HS6ST3: variants seen among roughly 807,000 people sequenced by gnomAD.
HS6ST3 encodes heparan sulfate 6-O-sulfotransferase 3.
A neutral mutation model predicts 36.7 loss-of-function variants in HS6ST3; 12 were observed. The ratio of observed to expected loss-of-function variants is 0.33; its 90% CI spans 0.21 to 0.53. The LOEUF is 0.53. HS6ST3 is among the 20% of genes least tolerant of loss of function. The pLI is 0.95. For synonymous variants in HS6ST3, 240 were observed against 257.5 expected (o/e 0.93, Z 0.65); for missense variants, 584 against 640.9 (o/e 0.91, Z 0.96).
chr13:96,156,889 T>C (rs996806217), intron 1 of HS6ST3, among the ~76,000 whole-genome samples: 6 of 152,270 alleles, frequency 3.9e-5, no homozygotes, highest in African/African-American at 1.4e-4. Context: ...CATTCTCTTA[T>C]GGGAATAATG....
intron 1 of HS6ST3, among the ~76,000 whole-genome samples, chr13:96,454,086 CT>C: frequency 6.6e-6 from 1 of 152,120 alleles, no homozygotes; most frequent in South Asian, 2.1e-4. Flanking sequence ...TACCCTTGGC[CT>C]TCTGAGTCCA....
chr13:96,230,180 G>T (rs1594724142), intron 1 of HS6ST3, among the ~76,000 whole-genome samples: 1 of 152,114 alleles, frequency 6.6e-6, no homozygotes, highest in East Asian at 1.9e-4. Context: ...GAGAAGAGTA[G>T]TGATATACTC....
chr13:96,533,403 C>T (rs945216782), intron 1 of HS6ST3, among the ~76,000 whole-genome samples: 2 of 152,148 alleles, frequency 1.3e-5, no homozygotes, highest in African/African-American at 4.8e-5. Flanking sequence ...ATTAGATGGC[C>T]ACAATGAATT....
At chr13:96,183,532 G>T (rs752894819) in intron 1 of HS6ST3, among the ~76,000 whole-genome samples, 9 of 151,982 alleles carry the variant, frequency 5.9e-5, no homozygotes, top group African/African-American at 1.9e-4. Flanking sequence ...TCAATTTGAG[G>T]CCCAGATAGA....
At chr13:96,242,210 GTTTTTGAGTCTT>G (rs1260584206) in intron 1 of HS6ST3, among the ~76,000 whole-genome samples, 1 of 149,506 alleles carries the variant, frequency 6.7e-6, no homozygotes. Flanking sequence ...TCTACCTTCT[GTTTTTGAGTCTT>G]TTTTTTTTTC....
At chr13:96,448,952 G>A (rs980902584) in intron 1 of HS6ST3, among the ~76,000 whole-genome samples, 1 of 152,056 alleles carries the variant, frequency 6.6e-6, no homozygotes, top group African/African-American at 2.4e-5. Flanking sequence ...TTTGGCATAA[G>A]TTGGTATAAT....
At chr13:96,584,947 G>C (rs2056355234) in intron 1 of HS6ST3, among the ~76,000 whole-genome samples, 1 of 152,164 alleles carries the variant, frequency 6.6e-6, no homozygotes, top group African/African-American at 2.4e-5. Context: ...AATTGGGGAA[G>C]GGAATTTCAC....
intron 1 of HS6ST3, among the ~76,000 whole-genome samples, chr13:96,705,173 T>G (rs1875386635): frequency 6.6e-6 from 1 of 152,168 alleles, no homozygotes; most frequent in Non-Finnish European, 1.5e-5. Flanking sequence ...CCTCTTGGTG[T>G]TGTACATTCT....
At chr13:96,764,599 G>A (rs555771460) in intron 1 of HS6ST3, among the ~76,000 whole-genome samples, 2 of 152,310 alleles carry the variant, frequency 1.3e-5, no homozygotes, top group South Asian at 2.1e-4. Flanking sequence ...TTCCAGCCAT[G>A]CCATCTTGCT....
intron 1 of HS6ST3, among the ~76,000 whole-genome samples, chr13:96,136,887 G>T (rs1317746293): frequency 2.0e-5 from 3 of 151,854 alleles, no homozygotes; most frequent in African/African-American, 4.8e-5. Context: ...TACCATCTAG[G>T]TATTGATGGT....
At chr13:96,678,493 T>C (rs774157383) in intron 1 of HS6ST3, among the ~76,000 whole-genome samples, 4 of 151,978 alleles carry the variant, frequency 2.6e-5, no homozygotes, top group Non-Finnish European at 5.9e-5. Flanking sequence ...GCCAAGATAG[T>C]GAAACCCTAT....
intron 1 of HS6ST3, among the ~76,000 whole-genome samples, chr13:96,285,011 G>T (rs1011179322): frequency 6.7e-6 from 1 of 149,776 alleles, no homozygotes; most frequent in South Asian, 2.1e-4. Context: ...GAGAATGTGC[G>T]TTGGCTGTGC....
At chr13:96,096,905 G>A (rs2053793878) in intron 1 of HS6ST3, among the ~76,000 whole-genome samples, 1 of 152,056 alleles carries the variant, frequency 6.6e-6, no homozygotes, top group African/African-American at 2.4e-5. Flanking sequence ...CTACCAAGAA[G>A]GTTAATTTTT....
chr13:96,335,235 C>T (rs1250560777), intron 1 of HS6ST3, among the ~76,000 whole-genome samples: 2 of 152,096 alleles, frequency 1.3e-5, no homozygotes, highest in African/African-American at 4.8e-5. Flanking sequence ...GAAACGACAT[C>T]CAATGTGAGG....
At chr13:96,689,859 C>A (rs1874902440) in intron 1 of HS6ST3, among the ~76,000 whole-genome samples, 1 of 151,700 alleles carries the variant, frequency 6.6e-6, no homozygotes, top group African/African-American at 2.4e-5. Flanking sequence ...ATGCAGTATC[C>A]AGTTTTGATT....
intron 1 of HS6ST3, among the ~76,000 whole-genome samples, chr13:96,302,276 C>G (rs78933293): frequency 0.025 from 3,807 of 152,122 alleles, 170 homozygotes; most frequent in African/African-American, 0.086. Context: ...ACAAAAAGAT[C>G]CATTGTTGAG....
chr13:96,323,892 G>C (rs2055017033), intron 1 of HS6ST3, among the ~76,000 whole-genome samples: 1 of 152,198 alleles, frequency 6.6e-6, no homozygotes, highest in Non-Finnish European at 1.5e-5. Context: ...TCAGTGCCAA[G>C]AACAGTGCCT....
At chr13:96,234,625 C>G (rs909059875) in intron 1 of HS6ST3, among the ~76,000 whole-genome samples, 1 of 152,034 alleles carries the variant, frequency 6.6e-6, no homozygotes, top group East Asian at 1.9e-4. Flanking sequence ...CTTTATAAAA[C>G]CATCAGATCT....
At chr13:96,379,635 T>C (rs1314797137) in intron 1 of HS6ST3, among the ~76,000 whole-genome samples, 1 of 152,212 alleles carries the variant, frequency 6.6e-6, no homozygotes, top group Non-Finnish European at 1.5e-5. Context: ...GTGGAGTTGA[T>C]ATAATCCTCA....
Sources: gnomAD v4.1 joint callset for allele counts (sites outside exome capture counted in the v4.1 genomes callset) on GRCh38, gnomAD v4.1.1 for gene constraint, MANE v1.5 for transcripts, NCBI Gene and HGNC (gene_info 2026-07-23, HGNC 2026-07-21) for gene names.